WFDC6: variants seen among roughly 807,000 people sequenced by gnomAD.
The protein encoded by WFDC6 is WAP four-disulfide core domain protein 6.
In WFDC6, 10 loss-of-function variants were observed where a neutral mutation model predicts 8.2. The observed-to-expected ratio is 1.22, with a 90% CI of 0.75 to 2.07. The LOEUF (loss-of-function observed/expected upper bound fraction) is 2.07. Ranked by LOEUF, WFDC6 falls within the 30% of genes most tolerant of loss-of-function variation. WFDC6 has a pLI of 0.00. For missense variants in WFDC6, 105 were observed against 104.9 expected, an observed-to-expected ratio of 1.00 and a Z score of 0.00; for synonymous variants, 28 against 37.0, an observed-to-expected ratio of 0.76 and a Z score of 0.88.
chr20:45,539,427 G>A lies in WFDC6; in HGVS notation c.-20C>T. The A allele has an allele frequency of 1.2e-6, 2 of 1,610,592 alleles. No homozygotes were observed. The highest frequency in any genetic ancestry group is 1.7e-6 in the Non-Finnish European group (2 of 1,176,954). On this transcript the variant is annotated 5_prime_UTR_variant, in exon 1 of 3. Coordinates refer to ENST00000372670, the MANE Select transcript of WFDC6 (RefSeq NM_080827.2). ...TCCCATTTTAGGAAGTACTGGCCTG[G>A]TTGATGGCACCAAAACTAAGAACTG...
intron 1 of WFDC6, 39 bp from the exon 2 acceptor site, chr20:45,538,133 G>A: frequency 6.2e-7 from 1 of 1,613,208 alleles, no homozygotes; most frequent in Non-Finnish European, 8.5e-7. Flanking sequence ...AGGCCTTAAA[G>A]GAGCCAGTGC....
chr20:45,539,060 T>G (rs1979483220), intron 1 of WFDC6, among the ~76,000 whole-genome samples: 1 of 152,088 alleles, frequency 6.6e-6, no homozygotes, highest in African/African-American at 2.4e-5. Context: ...TTAGTTCATT[T>G]CATGAGCTCT....
In WFDC6 at chr20:45,534,560, C is replaced by A; in HGVS notation, c.223-55G>T. ...GCTTGGACCCTGACCACATTAGGAA[C>A]CAAATCTTGCACCTAATGGGAAAAA... On this transcript the variant is annotated intron_variant, in intron 2 of 2. Coordinates refer to ENST00000372670, the MANE Select transcript of WFDC6 (RefSeq NM_080827.2). The A allele has an allele frequency of 5.0e-6, 8 of 1,595,694 alleles. No individual in the cohort carries two copies. In the South Asian group the frequency reaches 5.5e-5, roughly 11 times the overall value.
intron 2 of WFDC6, chr20:45,537,309 T>C (rs1412889864): frequency 5.1e-6 from 3 of 585,068 alleles, no homozygotes; most frequent in Non-Finnish European, 9.1e-6. Context: ...GTACTCATCT[T>C]TCAGATCTTA....
chr20:45,534,199 G>T lies in WFDC6; in HGVS notation c.*268C>A, dbSNP rs1568985546. ...GAATTATTCAGCCTCGGAGAGATCGGACCCCACAGAGCACTTTATTAAGGC... is the reference window on the plus strand; with the variant it reads ...GAATTATTCAGCCTCGGAGAGATCGTACCCCACAGAGCACTTTATTAAGGC... On this transcript the variant is annotated 3_prime_UTR_variant, in exon 3 of 3. Coordinates refer to ENST00000372670, the MANE Select transcript of WFDC6 (RefSeq NM_080827.2). 7.6e-6 allele frequency: 4 copies of T among 525,376 alleles called. No individual in the cohort carries two copies. 32.5% of individuals were successfully genotyped at this position (525,376 alleles called of 1,614,324 possible). A position where few individuals can be genotyped will look rare whatever the true frequency, so the allele number is the denominator to read the frequency against.
chr20:45,536,707 A>G (rs1397300348), intron 2 of WFDC6: 1 of 152,200 alleles, frequency 6.6e-6, no homozygotes, highest in Non-Finnish European at 1.5e-5. Flanking sequence ...AAGAGAAACT[A>G]TTTCTCAGCC....
intron 2 of WFDC6, chr20:45,535,290 G>T (rs909701393): frequency 1.6e-5 from 21 of 1,304,004 alleles, no homozygotes; most frequent in Non-Finnish European, 2.0e-5. Flanking sequence ...TGGTATGGAG[G>T]CCAGGCAGGG....
rs776260302 is a variant in WFDC6, at chr20:45,538,003, G to A, written c.183C>T (p.Cys61=). 6 of 1,613,976 alleles carry A rather than the reference G, an allele frequency of 3.7e-6. No homozygotes were observed. Among genetic ancestry groups the A allele is most frequent in the Non-Finnish European group, 2.5e-6 (3 of 1,179,926 alleles). The change falls in exon 2 of 3, where the codon TGC becomes TGT. Residue 61 remains cysteine (C), a synonymous_variant. Transcript: ENST00000372670. ...PRDCPENMKC[C]PFSRGKKCLD... ...AACATTTCTTTCCACGGCTGAACGGGCAACACTTCATGTTTTCTGGGCAAT... is the reference window on the plus strand; with the variant it reads ...AACATTTCTTTCCACGGCTGAACGGACAACACTTCATGTTTTCTGGGCAAT...
At chr20:45,539,221 G>T in intron 1 of WFDC6, 96 bp downstream of exon 1, 1 of 1,229,358 alleles carries the variant, frequency 8.1e-7, no homozygotes, top group Admixed American at 1.8e-5. Context: ...GGCAGAGGTG[G>T]AGAAAATAAT....
intron 2 of WFDC6, chr20:45,535,161 G>A: frequency 7.7e-7 from 1 of 1,303,536 alleles, no homozygotes; most frequent in Non-Finnish European, 1.0e-6. Flanking sequence ...TGGGACTTAT[G>A]GTATTTTTTG....
chr20:45,535,574 C>G (rs1333605983), intron 2 of WFDC6, among the ~76,000 whole-genome samples: 1 of 152,254 alleles, frequency 6.6e-6, no homozygotes, highest in East Asian at 1.9e-4. Context: ...TTGGAAGGAG[C>G]AGCTGTGACA....
chr20:45,534,367 A>G lies in WFDC6; in HGVS notation c.*100T>C, dbSNP rs1979286389. Reference sequence around the variant, plus strand: ...AGTGTGTAAGCAATTCCTGGGGTTCAGTTTCTGGAACAGCCAAGGTTTGGC... The same window carrying G: ...AGTGTGTAAGCAATTCCTGGGGTTCGGTTTCTGGAACAGCCAAGGTTTGGC... On this transcript the variant is annotated 3_prime_UTR_variant, in exon 3 of 3. Transcript: ENST00000372670. 5.1e-6 allele frequency: 7 copies of G among 1,384,464 alleles called. No homozygotes were observed. The East Asian group carries it at 1.4e-4, about 27-fold the overall frequency. The allele number at this position is 1,384,464 out of a possible 1,614,324, so 85.8% of individuals were successfully genotyped here.
chr20:45,535,762 C>G (rs987433679), intron 2 of WFDC6, among the ~76,000 whole-genome samples: 3 of 152,212 alleles, frequency 2.0e-5, no homozygotes, highest in African/African-American at 4.8e-5. Flanking sequence ...CTCCAATCTG[C>G]TCAACATTGG....
At position 45,534,351 on chromosome 20, in the gene WFDC6, G is replaced by T; in HGVS notation, c.*116C>A. 1 of 1,201,820 alleles carries T rather than the reference G, an allele frequency of 8.3e-7. No homozygotes were observed. The highest frequency in any genetic ancestry group is 1.2e-6 in the Non-Finnish European group (1 of 805,966). The allele number at this position is 1,201,820 out of a possible 1,614,324, so 74.4% of individuals were successfully genotyped here. On this transcript the variant is annotated 3_prime_UTR_variant, in exon 3 of 3. Transcript: ENST00000372670. ...TGCTACGCTGGAAGAAAGTGTGTAAGCAATTCCTGGGGTTCAGTTTCTGGA... is the reference window on the plus strand; with the variant it reads ...TGCTACGCTGGAAGAAAGTGTGTAATCAATTCCTGGGGTTCAGTTTCTGGA...
chr20:45,534,256 T>C lies in WFDC6; in HGVS notation c.*211A>G. 1 of 609,576 alleles carries C rather than the reference T, an allele frequency of 1.6e-6. No individual in the cohort carries two copies. Among genetic ancestry groups the C allele is most frequent in the Non-Finnish European group, 2.9e-6 (1 of 340,978 alleles). The allele number at this position is 609,576 out of a possible 1,614,324, so 37.8% of individuals were successfully genotyped here. ...AGCCTTCATACAAATAAATGGGGGG[T>C]CTGAAAGTTGAAGACATAGAGTTTC... On this transcript the variant is annotated 3_prime_UTR_variant, in exon 3 of 3. Coordinates refer to ENST00000372670, the MANE Select transcript of WFDC6 (RefSeq NM_080827.2).
chr20:45,539,198 A>T, intron 1 of WFDC6, 119 bp downstream of exon 1: 2 of 970,962 alleles, frequency 2.1e-6, no homozygotes, highest in Non-Finnish European at 3.1e-6. Context: ...CCTCTTTCCC[A>T]CCTGGAATTC....
Position 45,534,411 on chromosome 20 carries a change from A to G in WFDC6, c.*56T>C, listed in dbSNP as rs149911121. 2.8e-4 allele frequency: 445 copies of G among 1,608,656 alleles called. No individual in the cohort carries two copies. The African/African-American group carries it at 5.4e-3, about 19-fold the overall frequency. ...GTTTGGCCCGTGGAAGCCAATTTGG[A>G]GCATCAATCAGGCACACGTGGAGAG... On this transcript the variant is annotated 3_prime_UTR_variant, in exon 3 of 3. Coordinates refer to ENST00000372670, the MANE Select transcript of WFDC6 (RefSeq NM_080827.2).
rs771821217 is a variant in WFDC6 at position 45,538,069 on chromosome 20, T to TA, written c.116_117insT (p.Glu39AspfsTer44). The TA allele has an allele frequency of 6.2e-7, 1 of 1,613,944 alleles. No individual in the cohort carries two copies. Among genetic ancestry groups the TA allele is most frequent in the South Asian group, 1.1e-5 (1 of 91,068 alleles). On this transcript the variant is annotated frameshift_variant, in exon 2 of 3. Coordinates refer to ENST00000372670, the MANE Select transcript of WFDC6 (RefSeq NM_080827.2). LOFTEE classifies it high-confidence loss of function. ...ACTGGTCTATTTCTTCCACTTCGCATTCCACTTTGATTTTGGGACACGGCT... is the reference window on the plus strand; with the variant it reads ...ACTGGTCTATTTCTTCCACTTCGCATATCCACTTTGATTTTGGGACACGGCT...
intron 2 of WFDC6, 118 bp downstream of exon 2, chr20:45,537,846 A>G: frequency 6.5e-7 from 1 of 1,548,854 alleles, no homozygotes; most frequent in Non-Finnish European, 8.7e-7. Context: ...CAAGTAGAAG[A>G]TGTACCTAAA....
Sources: gnomAD v4.1 joint callset for allele counts (sites outside exome capture counted in the v4.1 genomes callset) on GRCh38, gnomAD v4.1.1 for gene constraint, MANE v1.5 for transcripts, NCBI Gene and HGNC (gene_info 2026-07-23, HGNC 2026-07-21) for gene names.